KLHL28: variants seen among roughly 807,000 people sequenced by gnomAD.
KLHL28 encodes the protein kelch like family member 28, also known as kelch-like protein 28.
KLHL28 carries 22 observed loss-of-function variants against 48.3 expected under a neutral mutation model. The ratio of observed to expected loss-of-function variants is 0.46; its 90% CI spans 0.33 to 0.65. KLHL28 has a LOEUF of 0.65. Ranked by LOEUF, KLHL28 falls within the 30% of genes least tolerant of loss-of-function variation. The pLI is 0.03. For synonymous variants in KLHL28, 243 were observed against 242.4 expected (o/e 1.00, Z -0.02); for missense variants, 527 against 704.3 (o/e 0.75, Z 2.85).
rs1473379661 is a variant in KLHL28, at chr14:44,934,152, A to G, written c.1306T>C (p.Tyr436His). The G allele has an allele frequency of 2.5e-6, 4 of 1,614,086 alleles. No homozygotes were observed. The highest frequency in any genetic ancestry group is 3.4e-6 in the Non-Finnish European group (4 of 1,179,948). Residue 436 changes from tyrosine to histidine, a missense_variant, in exon 3 of 5, where the codon TAT becomes CAT. By Grantham distance (83) the Tyr-to-His change is moderately conservative (BLOSUM62 2). Coordinates refer to ENST00000396128, the MANE Select transcript of KLHL28 (RefSeq NM_017658.5). The stretch of plus-strand genomic sequence containing the variant: ...GCAGGACCATACCCACCAATGGCAT[A>G]TATCATTCCATCCAATACCGCTGCA... Reference protein sequence around the residue: ...FAAAVLDGMIYAIGGYGPAHM... With the variant: ...FAAAVLDGMIHAIGGYGPAHM...
At chr14:44,942,641 C>A (rs1884152476) in intron 2 of KLHL28, among the ~76,000 whole-genome samples, 1 of 151,910 alleles carries the variant, frequency 6.6e-6, no homozygotes, top group South Asian at 2.1e-4. Flanking sequence ...TACCAATTAG[C>A]TTTTAGTTTC....
chr14:44,937,593 A>C (rs764963662), intron 2 of KLHL28, among the ~76,000 whole-genome samples: 5 of 152,240 alleles, frequency 3.3e-5, no homozygotes, highest in Non-Finnish European at 5.9e-5. Flanking sequence ...GATTTAGCTA[A>C]ATACATACAA....
intron 1 of KLHL28, among the ~76,000 whole-genome samples, chr14:44,958,525 G>T (rs1221191425): frequency 6.6e-6 from 1 of 152,024 alleles, no homozygotes; most frequent in Non-Finnish European, 1.5e-5. Flanking sequence ...TTCCTCATAG[G>T]ATAATTCAAC....
At chr14:44,941,429 C>T (rs562942818) in intron 2 of KLHL28, among the ~76,000 whole-genome samples, 1 of 147,972 alleles carries the variant, frequency 6.8e-6, no homozygotes, top group African/African-American at 2.6e-5. Flanking sequence ...GTCAGGAGTT[C>T]GAGACCAGCC....
chr14:44,936,377 A>T (rs908573280), intron 2 of KLHL28, among the ~76,000 whole-genome samples: 1 of 152,162 alleles, frequency 6.6e-6, no homozygotes, highest in Non-Finnish European at 1.5e-5. Flanking sequence ...GGAAAAGCAA[A>T]GTCTTTGTGT....
chr14:44,934,420 G>A lies in KLHL28; in HGVS notation c.1038C>T (p.Gly346=), dbSNP rs751684670. 28 of 1,613,938 alleles carry A rather than the reference G, an allele frequency of 1.7e-5. No homozygotes were observed. The highest frequency in any genetic ancestry group is 1.6e-4 in the Middle Eastern group (1 of 6,084). Residue 346 remains glycine, a synonymous_variant, in exon 3 of 5, where the codon GGC becomes GGT. Coordinates refer to ENST00000396128, the MANE Select transcript of KLHL28 (RefSeq NM_017658.5). ...IGGIATNVRP[G]VTIRKHENSV... ...AATTTTCATGTTTTCTGATAGTGAC[G>A]CCAGGACGCACATTAGTTGCAATAC...
At chr14:44,947,479 G>A (rs1884387744) in intron 1 of KLHL28, among the ~76,000 whole-genome samples, 1 of 152,128 alleles carries the variant, frequency 6.6e-6, no homozygotes. Context: ...ATTTCAGAAT[G>A]GATTGTAGCA....
Position 44,934,180 on chromosome 14 carries a change from A to G in KLHL28, c.1278T>C (p.Phe426=), listed in dbSNP as rs1883706692. The G allele has an allele frequency of 6.2e-7, 1 of 1,614,222 alleles. No homozygotes were observed. Among genetic ancestry groups the G allele is most frequent in the Non-Finnish European group, 8.5e-7 (1 of 1,180,034 alleles). Residue 426 remains phenylalanine (F), a synonymous_variant, in exon 3 of 5, where the codon TTT becomes TTC. Coordinates refer to ENST00000396128, the MANE Select transcript of KLHL28 (RefSeq NM_017658.5). ...TCATTCCATCCAATACCGCTGCAGC[A>G]AAACAACTTCTTGTTGTCGTCATTG... is the stretch of plus-strand genomic sequence containing the variant. The part of the protein sequence containing the change: ...VAPMTTTRSC[F]AAAVLDGMIY...
At position 44,931,313 on chromosome 14, in the gene KLHL28, A is replaced by G. The variant is rs769977958; in HGVS notation, c.1552+20T>C. Reference sequence around the variant, plus strand: ...GAAAACATTGCCTTACATGTTTAGAAATTAATAAATTCTTATTACCTGTTC... The same window carrying G: ...GAAAACATTGCCTTACATGTTTAGAGATTAATAAATTCTTATTACCTGTTC... On this transcript the variant is annotated intron_variant, in intron 4 of 4. Transcript: ENST00000396128. 6.5e-7 allele frequency: 1 copy of G among 1,537,064 alleles called. No individual in the cohort carries two copies. The highest frequency in any genetic ancestry group is 9.0e-7 in the Non-Finnish European group (1 of 1,113,336).
intron 2 of KLHL28, among the ~76,000 whole-genome samples, chr14:44,937,148 C>G (rs1017069182): frequency 4.3e-5 from 6 of 139,728 alleles, no homozygotes; most frequent in Non-Finnish European, 9.4e-5. Flanking sequence ...TTGTTTTTTT[C>G]TTTTTTTTTT....
intron 2 of KLHL28, among the ~76,000 whole-genome samples, chr14:44,943,075 A>C (rs974585308): frequency 2.0e-5 from 3 of 152,184 alleles, no homozygotes; most frequent in African/African-American, 7.2e-5. Flanking sequence ...ATTATGATAG[A>C]TTCTATGATA....
chr14:44,960,925 G>A (rs1172187100), intron 1 of KLHL28: 4 of 1,535,830 alleles, frequency 2.6e-6, no homozygotes, highest in Non-Finnish European at 2.6e-6. Flanking sequence ...CATTTGAAGT[G>A]CATAAATTTG....
At position 44,931,349 on chromosome 14, in the gene KLHL28, C is replaced by T; in HGVS notation, c.1536G>A (p.Met512Ile). The T allele has an allele frequency of 6.2e-7, 1 of 1,611,680 alleles. No individual in the cohort carries two copies. Among genetic ancestry groups the T allele is most frequent in the Non-Finnish European group, 8.5e-7 (1 of 1,178,346 alleles). Reference sequence around the variant, plus strand: ...TCTTATTACCTGTTCTAGGTTCTTTCATTGGTCTACACACAGTCCACTGAT... The same window carrying T: ...TCTTATTACCTGTTCTAGGTTCTTTTATTGGTCTACACACAGTCCACTGAT... ...HQNQWTVCRPMKEPRTGVGAA... is the reference protein window; with the variant it reads ...HQNQWTVCRPIKEPRTGVGAA... The change falls in exon 4 of 5, where the codon ATG becomes ATA. Residue 512 changes from methionine to isoleucine, a missense_variant. Transcript: ENST00000396128.
In KLHL28 at chr14:44,927,063, TTA is replaced by T. The variant is rs1883397872; in HGVS notation, c.*1963_*1964del. 6.6e-6 allele frequency: 1 copy of T among 152,628 alleles called. No individual in the cohort carries two copies. The highest frequency in any genetic ancestry group is 6.5e-5 in the Admixed American group (1 of 15,274). 9.5% of individuals were successfully genotyped at this position (152,628 alleles called of 1,614,324 possible). On this transcript the variant is annotated 3_prime_UTR_variant, in exon 5 of 5. Transcript: ENST00000396128. The stretch of plus-strand genomic sequence containing the variant: ...ATGAAAAAGTTATTGCTATATATTA[TTA>T]TGTTATTCAGACAAGCAACATAGAA...
intron 1 of KLHL28, among the ~76,000 whole-genome samples, chr14:44,951,837 C>T (rs879669047): frequency 5.9e-5 from 9 of 152,052 alleles, no homozygotes; most frequent in Admixed American, 5.9e-4. Flanking sequence ...TTTTCCATAA[C>T]ATAATTTTTT....
chr14:44,953,411 G>C (rs1333273114), intron 1 of KLHL28, among the ~76,000 whole-genome samples: 1 of 152,226 alleles, frequency 6.6e-6, no homozygotes, highest in Non-Finnish European at 1.5e-5. Context: ...GTATTGAGAG[G>C]TAGGGCTTTT....
chr14:44,940,246 C>G (rs1487378833), intron 2 of KLHL28, among the ~76,000 whole-genome samples: 1 of 152,200 alleles, frequency 6.6e-6, no homozygotes. Context: ...GCCTAATCAC[C>G]TCTTAAAGGC....
At chr14:44,959,039 TTAAAA>T (rs1884923083) in intron 1 of KLHL28, among the ~76,000 whole-genome samples, 1 of 151,244 alleles carries the variant, frequency 6.6e-6, no homozygotes, top group African/African-American at 2.4e-5. Context: ...AAAGGATAGA[TTAAAA>T]TATATATAAT....
chr14:44,945,818 G>T lies in KLHL28; in HGVS notation c.111C>A (p.Ile37=). 6.2e-7 allele frequency: 1 copy of T among 1,614,130 alleles called. No individual in the cohort carries two copies. The highest frequency in any genetic ancestry group is 2.2e-5 in the East Asian group (1 of 44,888). Reference sequence around the variant, plus strand: ...TTTTAACATCACCTACTCGAAGAATGATGTCACAGAGTTCGTGATGTTGGC... The same window carrying T: ...TTTTAACATCACCTACTCGAAGAATTATGTCACAGAGTTCGTGATGTTGGC... The part of the protein sequence containing the change: ...LLRQHHELCD[I]ILRVGDVKIH... The change falls in exon 2 of 5, where the codon ATC becomes ATA. Residue 37 remains isoleucine (I), a synonymous_variant. Transcript: ENST00000396128.
Sources: gnomAD v4.1 joint callset for allele counts (sites outside exome capture counted in the v4.1 genomes callset) on GRCh38, gnomAD v4.1.1 for gene constraint, MANE v1.5 for transcripts, NCBI Gene and HGNC (gene_info 2026-07-23, HGNC 2026-07-21) for gene names.